The following NEO1 variants were observed in gnomAD, a reference collection of about 807,000 sequenced individuals.
NEO1 encodes the protein neogenin 1, also known as neogenin.
A neutral mutation model predicts 159.7 loss-of-function variants in NEO1; 63 were observed. That is an observed-to-expected ratio of 0.39 (90% CI 0.32 to 0.49). The LOEUF is 0.49. NEO1 is among the 20% of genes least tolerant of loss of function. The probability of loss-of-function intolerance (pLI) is 0.85; values close to 1 mark genes in which losing one functional copy is unlikely to be tolerated. For missense variants in NEO1, 1,615 were observed against 1,831.0 expected, an observed-to-expected ratio of 0.88 and a Z score of 2.15; for synonymous variants, 633 against 662.0, an observed-to-expected ratio of 0.96 and a Z score of 0.67.
At chr15:73,114,436 C>T (rs374601686) in intron 1 of NEO1, among the ~76,000 whole-genome samples, 5 of 152,244 alleles carry the variant, frequency 3.3e-5, no homozygotes, top group South Asian at 4.1e-4. Flanking sequence ...AAATACAAAA[C>T]GATATACAGA....
rs145572285 is a variant in NEO1 at position 73,085,820 on chromosome 15, T to C, written c.131-30720T>C. ...AAGAAAATTGGGGTTGTTTTCTTGT[T>C]GTTGAGTTTTGAATTCTTTATATAT... is the stretch of plus-strand genomic sequence containing the variant. On this transcript the variant is annotated intron_variant, in intron 1 of 28. Coordinates refer to ENST00000261908, the MANE Select transcript of NEO1 (RefSeq NM_002499.4). Among the ~76,000 whole-genome samples, 64 of 152,318 alleles carry C rather than the reference T, an allele frequency of 4.2e-4. 2 individuals carry two copies. Among genetic ancestry groups the C allele is most frequent in the Admixed American group, 3.7e-3 (57 of 15,294 alleles).
At chr15:73,061,478 G>A (rs1401350445) in intron 1 of NEO1, among the ~76,000 whole-genome samples, 3 of 152,192 alleles carry the variant, frequency 2.0e-5, no homozygotes, top group Non-Finnish European at 4.4e-5. Flanking sequence ...CCTGAGGTAG[G>A]AAGAAAGGAA....
At chr15:73,058,057 C>G (rs1332947291) in intron 1 of NEO1, among the ~76,000 whole-genome samples, 1 of 152,106 alleles carries the variant, frequency 6.6e-6, no homozygotes, top group Non-Finnish European at 1.5e-5. Context: ...CAGGATCATA[C>G]TACCTATTGT....
At chr15:73,135,246 G>A (rs2031615816) in intron 4 of NEO1, among the ~76,000 whole-genome samples, 1 of 152,084 alleles carries the variant, frequency 6.6e-6, no homozygotes. Context: ...TAACTCTGTA[G>A]AGTTGGCCAG....
At chr15:73,214,147 G>A (rs1436285655) in intron 7 of NEO1, among the ~76,000 whole-genome samples, 7 of 151,996 alleles carry the variant, frequency 4.6e-5, no homozygotes, top group African/African-American at 9.7e-5. Flanking sequence ...ATTTTTTGTC[G>A]ATTCTGGATG....
intron 16 of NEO1, 83 bp downstream of exon 16, chr15:73,266,494 T>C: frequency 1.0e-6 from 1 of 986,562 alleles, no homozygotes. Context: ...ATCCCATAGG[T>C]GTTAGGGAAG....
intron 1 of NEO1, among the ~76,000 whole-genome samples, chr15:73,055,442 A>C (rs889170889): frequency 1.3e-5 from 2 of 152,110 alleles, no homozygotes; most frequent in Non-Finnish European, 2.9e-5. Flanking sequence ...TACCTTTTTC[A>C]GCATTACTCT....
chr15:73,217,505 A>G (rs1190102435), intron 7 of NEO1, among the ~76,000 whole-genome samples: 1 of 152,252 alleles, frequency 6.6e-6, no homozygotes. Context: ...CATTGAATCT[A>G]TAAATTGCCT....
chr15:73,182,953 G>A (rs907671837), intron 7 of NEO1, among the ~76,000 whole-genome samples: 7 of 152,154 alleles, frequency 4.6e-5, no homozygotes, highest in East Asian at 3.8e-4. Context: ...AGAAAGAGAC[G>A]GCTACTGTAA....
At chr15:73,235,107 C>T (rs1262678191) in intron 7 of NEO1, among the ~76,000 whole-genome samples, 19 of 152,134 alleles carry the variant, frequency 1.2e-4, no homozygotes, top group Admixed American at 1.2e-3. Flanking sequence ...TTTGCCATTT[C>T]CCTGAGATAG....
intron 1 of NEO1, among the ~76,000 whole-genome samples, chr15:73,101,825 G>A (rs935965141): frequency 5.3e-5 from 8 of 152,100 alleles, no homozygotes; most frequent in Admixed American, 3.3e-4. Context: ...CTTTCTACTG[G>A]TTCTTTCCAT....
chr15:73,244,954 C>CA (rs57566986), intron 9 of NEO1, among the ~76,000 whole-genome samples: 495 of 16,506 alleles, frequency 0.03, 118 homozygotes, highest in African/African-American at 0.069. Context: ...GACTCTGTCT[C>CA]AAAAAAAAAA....
At chr15:73,212,044 T>C (rs2037609569) in intron 7 of NEO1, among the ~76,000 whole-genome samples, 1 of 152,216 alleles carries the variant, frequency 6.6e-6, no homozygotes, top group South Asian at 2.1e-4. Flanking sequence ...AATACATTCG[T>C]ATCGGGGTAC....
rs74357151 is a variant in NEO1 at position 73,069,031 on chromosome 15, C to T, written c.130+16226C>T. Among the ~76,000 whole-genome samples, 24 of 150,758 alleles carry T rather than the reference C, an allele frequency of 1.6e-4. No individual in the cohort carries two copies. In the East Asian group the frequency reaches 4.7e-3, roughly 29 times the overall value. ...GCAATGGGGTAATCACAGGTTACTG[C>T]AGCCTCGACCTCTTGGGTTCAAATG... On this transcript the variant is annotated intron_variant, in intron 1 of 28. Transcript: ENST00000261908.
chr15:73,075,050 A>T lies in NEO1; in HGVS notation c.130+22245A>T, dbSNP rs1285812874. ...ACAGAGTCATAGGAGGAATCATTTAATTTATTTTTCTGCTTTTATAGGTGA... is the reference window on the plus strand; with the variant it reads ...ACAGAGTCATAGGAGGAATCATTTATTTTATTTTTCTGCTTTTATAGGTGA... On this transcript the variant is annotated intron_variant, in intron 1 of 28. Transcript: ENST00000261908. Among the ~76,000 whole-genome samples, 7 of 152,314 alleles carry T rather than the reference A, an allele frequency of 4.6e-5. No homozygotes were observed. The East Asian group carries it at 1.3e-3, about 29-fold the overall frequency.
chr15:73,061,698 A>G (rs2151251511), intron 1 of NEO1, among the ~76,000 whole-genome samples: 1 of 152,312 alleles, frequency 6.6e-6, no homozygotes, highest in African/African-American at 2.4e-5. Context: ...ATACACTCCA[A>G]CCCTTCTTCC....
intron 4 of NEO1, among the ~76,000 whole-genome samples, chr15:73,133,069 T>C (rs933034818): frequency 1.3e-5 from 2 of 152,160 alleles, no homozygotes; most frequent in African/African-American, 2.4e-5. Context: ...ACAAAAAAGA[T>C]AACTTGCACA....
At chr15:73,172,595 C>G (rs2151939119) in intron 5 of NEO1, among the ~76,000 whole-genome samples, 1 of 152,262 alleles carries the variant, frequency 6.6e-6, no homozygotes, top group South Asian at 2.1e-4. Context: ...CTCTTGACTC[C>G]TAGTCTTTAC....
intron 7 of NEO1, among the ~76,000 whole-genome samples, chr15:73,181,623 G>C (rs138299934): frequency 6.6e-6 from 1 of 152,140 alleles, no homozygotes; most frequent in East Asian, 1.9e-4. Context: ...TCAGGAGAGT[G>C]AGGTGGGGGG....
Sources: allele counts gnomAD v4.1 joint callset (sites outside exome capture counted in the v4.1 genomes callset), GRCh38; gene constraint gnomAD v4.1.1; transcripts MANE v1.5; gene names NCBI Gene and HGNC (gene_info 2026-07-23, HGNC 2026-07-21).